Variants in MLLT1 observed in about 807,000 individuals in gnomAD.
MLLT1 encodes protein ENL.
MLLT1 carries 11 observed loss-of-function variants against 55.1 expected under a neutral mutation model. The observed-to-expected ratio is 0.20, with a 90% confidence interval of 0.13 to 0.33. MLLT1 has a LOEUF of 0.33. Ranked by LOEUF, MLLT1 falls within the 10% of genes least tolerant of loss-of-function variation. The pLI, the probability that MLLT1 is intolerant of heterozygous loss-of-function variation, is 1.00. For missense variants in MLLT1, 536 were observed against 760.6 expected (o/e 0.70, Z 3.47); for synonymous variants, 323 against 320.1 (o/e 1.01, Z -0.10).
chr19:6,217,186 C>T (rs1198892254), intron 7 of MLLT1, among the ~76,000 whole-genome samples: 1 of 152,148 alleles, frequency 6.6e-6, no homozygotes, highest in African/African-American at 2.4e-5. Flanking sequence ...AGGGCCCCAT[C>T]CCCCAGCCCC....
chr19:6,261,457 G>A (rs1050119977), intron 3 of MLLT1, among the ~76,000 whole-genome samples: 2 of 152,168 alleles, frequency 1.3e-5, no homozygotes, highest in East Asian at 1.9e-4. Context: ...CAAGCGGGGC[G>A]GCATCCACAG....
chr19:6,228,259 G>C (rs2090972923), intron 4 of MLLT1, among the ~76,000 whole-genome samples: 1 of 152,236 alleles, frequency 6.6e-6, no homozygotes, highest in African/African-American at 2.4e-5. Flanking sequence ...GGGCTTGCCA[G>C]GAGGCTGAGC....
intron 1 of MLLT1, among the ~76,000 whole-genome samples, chr19:6,274,865 C>T (rs960614679): frequency 1.3e-5 from 2 of 152,202 alleles, no homozygotes; most frequent in African/African-American, 4.8e-5. Flanking sequence ...GGCAGAGGGC[C>T]TCAGCTGGGA....
At chr19:6,246,431 G>A (rs2091169455) in intron 3 of MLLT1, among the ~76,000 whole-genome samples, 1 of 152,228 alleles carries the variant, frequency 6.6e-6, no homozygotes, top group Non-Finnish European at 1.5e-5. Context: ...AGGCACCCAT[G>A]CAGCGGAACA....
intron 5 of MLLT1, among the ~76,000 whole-genome samples, chr19:6,223,088 G>A (rs886076656): frequency 2.0e-5 from 3 of 152,224 alleles, no homozygotes; most frequent in South Asian, 4.1e-4. Flanking sequence ...GGCACTGGAC[G>A]CAGCCCTGCC....
At chr19:6,258,728 A>T (rs1356678932) in intron 3 of MLLT1, among the ~76,000 whole-genome samples, 2 of 152,210 alleles carry the variant, frequency 1.3e-5, no homozygotes, top group African/African-American at 2.4e-5. Flanking sequence ...ACAAGAATAG[A>T]GCTGTCGGAG....
At chr19:6,216,536 G>T in intron 7 of MLLT1, 23 bp from the exon 8 acceptor site, 11 of 1,493,092 alleles carry the variant, frequency 7.4e-6, no homozygotes, top group Non-Finnish European at 1.0e-5. Context: ...GGCAGGGAGG[G>T]AGGGGAGACA....
rs1056634458 is a variant in MLLT1, at chr19:6,213,267, G to A, written c.1551+70C>T. 1,201 of 1,604,308 alleles carry A rather than the reference G, an allele frequency of 7.5e-4. 4 individuals carry two copies. The highest frequency in any genetic ancestry group is 5.9e-4 in the Non-Finnish European group (688 of 1,172,524). On this transcript the variant is annotated intron_variant, in intron 11 of 11. Transcript: ENST00000252674. ...TAGGGGCTCCTGGGGCAGCACCAGGGGCCCCCGCAGCCCACACTCCTCACA... is the reference window on the plus strand; with the variant it reads ...TAGGGGCTCCTGGGGCAGCACCAGGAGCCCCCGCAGCCCACACTCCTCACA...
chr19:6,270,003 T>C lies in MLLT1; in HGVS notation c.193+576A>G, dbSNP rs1024283169. 3.9e-5 allele frequency among the ~76,000 whole-genome samples: 6 copies of C among 152,158 alleles called. No individual in the cohort carries two copies. In the East Asian group the frequency reaches 1.2e-3, roughly 29 times the overall value. On this transcript the variant is annotated intron_variant, in intron 2 of 11. Coordinates refer to ENST00000252674, the MANE Select transcript of MLLT1 (RefSeq NM_005934.4). This position sits in a 1 kb window ranked among gnomAD's most constrained non-coding sequence, Gnocchi z 7.1. ...GCTCACTTCCCCAGGAGGGCATCCC[T>C]GATCATAAACTGGGTGACTTCCTGC...
intron 1 of MLLT1, among the ~76,000 whole-genome samples, chr19:6,277,562 C>A (rs1404745660): frequency 2.0e-5 from 3 of 152,174 alleles, no homozygotes; most frequent in Non-Finnish European, 4.4e-5. Context: ...CCAGCTCTCT[C>A]CCACACCTGT....
chr19:6,236,115 G>A (rs138181227), intron 3 of MLLT1, among the ~76,000 whole-genome samples: 562 of 152,218 alleles, frequency 3.7e-3, no homozygotes, highest in Non-Finnish European at 5.8e-3. Context: ...TGCCACAGGC[G>A]CCTACCATAA....
At chr19:6,260,969 C>A (rs577815242) in intron 3 of MLLT1, among the ~76,000 whole-genome samples, 1 of 152,246 alleles carries the variant, frequency 6.6e-6, no homozygotes, top group Non-Finnish European at 1.5e-5. Flanking sequence ...ACAGCCCACC[C>A]GCTAGAATAC....
rs1251267673 is a variant in MLLT1 at position 6,230,699 on chromosome 19, C to T, written c.291G>A (p.Lys97=). ...GGAACAGGTCGTAGGTGAAGCAGACCTTCCTCGGCTCCTCCTGAAACAGAG... is the reference window on the plus strand; with the variant it reads ...GGAACAGGTCGTAGGTGAAGCAGACTTTCCTCGGCTCCTCCTGAAACAGAG... ...VHFKNKEEPR[K]VCFTYDLFLN... The change falls in exon 4 of 12, where the codon AAG becomes AAA. Residue 97 remains lysine (K), a synonymous_variant. Transcript: ENST00000252674. This position sits in a 1 kb window ranked among gnomAD's most constrained non-coding sequence, Gnocchi z 9.0. 2 of 1,614,040 alleles carry T rather than the reference C, an allele frequency of 1.2e-6. No homozygotes were observed. The highest frequency in any genetic ancestry group is 2.2e-5 in the East Asian group (1 of 44,874).
rs116622557 is a variant in MLLT1 at position 6,256,907 on chromosome 19, C to T, written c.276+5321G>A. ...TCTATGGCCAGCTGATTTTCAACAA[C>T]GCTCTAACACCACTCGATGGCGAAA... On this transcript the variant is annotated intron_variant, in intron 3 of 11. Transcript: ENST00000252674. The surrounding 1 kb of genome is among the most constrained non-coding windows in gnomAD (Gnocchi z 4.1). 0.013 allele frequency among the ~76,000 whole-genome samples: 1,984 copies of T among 152,298 alleles called. 43 individuals carry two copies. The highest frequency in any genetic ancestry group is 0.045 in the African/African-American group (1,875 of 41,564).
rs2090902861 is a variant in MLLT1 at position 6,222,014 on chromosome 19, G to A, written c.1110+107C>T. 2.1e-6 allele frequency: 2 copies of A among 936,276 alleles called. No individual in the cohort carries two copies. Among genetic ancestry groups the A allele is most frequent in the South Asian group, 3.0e-5 (1 of 33,300 alleles). 58.0% of individuals were successfully genotyped at this position (936,276 alleles called of 1,614,324 possible). On this transcript the variant is annotated intron_variant, in intron 6 of 11. Transcript: ENST00000252674. This position sits in a 1 kb window ranked among gnomAD's most constrained non-coding sequence, Gnocchi z 4.1. ...AGCCAGTGGGAGGAGCAGCTGGTGA[G>A]ACCTGAGGTCCTGGCTCAGATCCCA... is the stretch of plus-strand genomic sequence containing the variant.
At chr19:6,266,601 C>T (rs961736882) in intron 2 of MLLT1, among the ~76,000 whole-genome samples, 1 of 152,070 alleles carries the variant, frequency 6.6e-6, no homozygotes, top group Non-Finnish European at 1.5e-5. Context: ...GGATTACAGG[C>T]ATCCTCACTG....
intron 3 of MLLT1, among the ~76,000 whole-genome samples, chr19:6,258,469 TCTTG>T (rs1470266961): frequency 1.3e-5 from 2 of 152,214 alleles, no homozygotes; most frequent in African/African-American, 4.8e-5. Context: ...AACGCTGTCG[TCTTG>T]CTTCGGAAAA....
intron 3 of MLLT1, among the ~76,000 whole-genome samples, chr19:6,237,575 G>A (rs531553374): frequency 1.0e-3 from 151 of 148,878 alleles, no homozygotes; most frequent in African/African-American, 3.6e-3. Flanking sequence ...GGCTAACACA[G>A]TGAAACCCCA....
intron 8 of MLLT1, 101 bp downstream of exon 8, chr19:6,216,304 C>G (rs947832097): frequency 6.8e-6 from 6 of 876,538 alleles, no homozygotes; most frequent in Non-Finnish European, 9.0e-6. Flanking sequence ...CCAGGGGACC[C>G]TCCAGTCCCA....
Sources: allele counts gnomAD v4.1 joint callset (sites outside exome capture counted in the v4.1 genomes callset), GRCh38; gene constraint gnomAD v4.1.1; non-coding constraint Gnocchi (gnomAD v3.1); transcripts MANE v1.5; gene names NCBI Gene and HGNC (gene_info 2026-07-23, HGNC 2026-07-21).